The following MPP4 variants were observed in gnomAD, a reference collection of about 807,000 sequenced individuals.
The protein encoded by MPP4 is MAGUK p55 scaffold protein 4, also known as MAGUK p55 subfamily member 4.
In MPP4, 91 loss-of-function variants were observed where a neutral mutation model predicts 98.3. The observed-to-expected ratio is 0.93, with a 90% confidence interval of 0.78 to 1.10. The LOEUF is 1.10. MPP4 is among the 50% of genes least tolerant of loss of function. The pLI is 0.00. For synonymous variants in MPP4, 261 were observed against 271.8 expected, an observed-to-expected ratio of 0.96 and a Z score of 0.39; for missense variants, 744 against 792.9, an observed-to-expected ratio of 0.94 and a Z score of 0.74.
chr2:201,678,624 A>T (rs1688581767), intron 10 of MPP4, among the ~76,000 whole-genome samples: 1 of 152,000 alleles, frequency 6.6e-6, no homozygotes, highest in Non-Finnish European at 1.5e-5. Flanking sequence ...ATTTCAAGCT[A>T]CCATCCTGTC....
At chr2:201,646,048 T>C (rs1441624540) in intron 21 of MPP4, among the ~76,000 whole-genome samples, 1 of 152,206 alleles carries the variant, frequency 6.6e-6, no homozygotes, top group Admixed American at 6.5e-5. Flanking sequence ...TCTTCTAAAC[T>C]ACAAAACTTA....
At chr2:201,680,735 T>A (rs1373616555) in intron 10 of MPP4, 103 bp downstream of exon 10, 19 of 1,025,006 alleles carry the variant, frequency 1.9e-5, no homozygotes, top group Admixed American at 2.4e-5. Flanking sequence ...TTCATTCATC[T>A]GCTTGTCCCT....
chr2:201,657,592 T>G (rs1229967463), intron 16 of MPP4, among the ~76,000 whole-genome samples: 1 of 115,528 alleles, frequency 8.7e-6, no homozygotes, highest in Admixed American at 8.7e-5. Context: ...TGGCCCTTGT[T>G]TTTTTTTTGT....
intron 18 of MPP4, chr2:201,650,832 G>A: frequency 2.0e-6 from 2 of 985,388 alleles, no homozygotes; most frequent in Non-Finnish European, 2.4e-6. Flanking sequence ...GGAAAGATTA[G>A]CTGAGTCTAG....
chr2:201,694,608 C>CCTT (rs1689127689), intron 1 of MPP4, among the ~76,000 whole-genome samples: 1 of 78,870 alleles, frequency 1.3e-5, no homozygotes, highest in South Asian at 5.6e-4. Context: ...TTCTTTTTCC[C>CCTT]TTTTTTTTTT....
At position 201,645,378 on chromosome 2, in the gene MPP4, AT is replaced by A. The variant is rs1255773211; in HGVS notation, c.1745del (p.Asn582IlefsTer2). 2 of 1,613,870 alleles carry A rather than the reference AT, an allele frequency of 1.2e-6. No homozygotes were observed. The highest frequency in any genetic ancestry group is 2.7e-5 in the African/African-American group (2 of 74,914). On this transcript the variant is annotated frameshift_variant, in exon 22 of 22. Coordinates refer to ENST00000409474, the MANE Select transcript of MPP4 (RefSeq NM_033066.3). LOFTEE classifies it high-confidence loss of function. The part of the protein sequence containing the change: ...FKDEDLQEME[N>X]LAQRMETQFG... ...ACTGAGTTTCCATTCTTTGGGCTAA[AT>A]TTTCCATCTCTTGTAGGTCTTCATC...
chr2:201,697,328 T>C (rs926585740), intron 1 of MPP4, among the ~76,000 whole-genome samples: 1 of 152,178 alleles, frequency 6.6e-6, no homozygotes, highest in African/African-American at 2.4e-5. Flanking sequence ...AGAAAATGAT[T>C]TTCCCTCCCT....
chr2:201,647,690 C>T lies in MPP4; in HGVS notation c.1719+1G>A, dbSNP rs751165880. 8 of 1,612,944 alleles carry T rather than the reference C, an allele frequency of 5.0e-6. No individual in the cohort carries two copies. The highest frequency in any genetic ancestry group is 6.8e-6 in the Non-Finnish European group (8 of 1,179,240). ...TACAGTAGTTTTTGACTTGCTCTTA[C>T]CTTGAACTTCATGTCCACATAGTAG... On this transcript the variant is annotated splice_donor_variant, in intron 21 of 21. Transcript: ENST00000409474. LOFTEE classifies it high-confidence loss of function.
intron 11 of MPP4, among the ~76,000 whole-genome samples, chr2:201,670,877 C>G (rs1046747161): frequency 1.3e-5 from 2 of 152,302 alleles, no homozygotes; most frequent in Admixed American, 1.3e-4. Flanking sequence ...CTCACTGGGA[C>G]TGGCTAGATA....
chr2:201,685,170 C>A (rs1431343004), intron 6 of MPP4, 25 bp from the exon 7 acceptor site: 8 of 1,586,332 alleles, frequency 5.0e-6, no homozygotes, highest in South Asian at 1.1e-5. Context: ...GACGAGATCC[C>A]TCTGTTACCT....
chr2:201,687,284 C>A lies in MPP4; in HGVS notation c.360+7G>T. 6.4e-7 allele frequency: 1 copy of A among 1,567,930 alleles called. No homozygotes were observed. On this transcript the variant is annotated splice_region_variant and intron_variant, in intron 5 of 21. Coordinates refer to ENST00000409474, the MANE Select transcript of MPP4 (RefSeq NM_033066.3). ...GGGACATCTTTTCTATTTTAGCAGGCACTTGCCTTGAAGTGTGGAGCCTGG... is the reference window on the plus strand; with the variant it reads ...GGGACATCTTTTCTATTTTAGCAGGAACTTGCCTTGAAGTGTGGAGCCTGG...
intron 15 of MPP4, among the ~76,000 whole-genome samples, chr2:201,659,213 T>G (rs550463734): frequency 0.088 from 525 of 5,988 alleles, 7 homozygotes; most frequent in African/African-American, 0.1. Context: ...ACTGTGTTTA[T>G]AATTTTTTTT....
chr2:201,684,778 G>A (rs146814202), intron 7 of MPP4, among the ~76,000 whole-genome samples: 1,738 of 151,626 alleles, frequency 0.011, 26 homozygotes, highest in African/African-American at 0.034. Flanking sequence ...GTGAAACCCC[G>A]TCTCTACTAA....
At chr2:201,649,768 G>A (rs1487021979) in intron 19 of MPP4, 84 bp from the exon 20 acceptor site, 7 of 889,432 alleles carry the variant, frequency 7.9e-6, no homozygotes. Context: ...CTGCACTAGA[G>A]TTGAATATAA....
chr2:201,675,674 T>C (rs1559012811), intron 10 of MPP4, among the ~76,000 whole-genome samples: 2 of 152,208 alleles, frequency 1.3e-5, no homozygotes, highest in African/African-American at 4.8e-5. Context: ...CTACAGTTTC[T>C]ATAGATGACT....
intron 14 of MPP4, among the ~76,000 whole-genome samples, 188 bp from the exon 15 acceptor site, chr2:201,660,534 C>T (rs1394353364): frequency 6.6e-6 from 1 of 152,138 alleles, no homozygotes; most frequent in African/African-American, 2.4e-5. Flanking sequence ...ACTGGTTTGC[C>T]CTGACTCTGC....
At chr2:201,673,066 T>C (rs1688389738) in intron 11 of MPP4, among the ~76,000 whole-genome samples, 2 of 152,102 alleles carry the variant, frequency 1.3e-5, no homozygotes, top group Non-Finnish European at 1.5e-5. Flanking sequence ...GTTCAACATA[T>C]GCAAATCAAT....
In MPP4 at chr2:201,681,534, C is replaced by T; in HGVS notation, c.694G>A (p.Val232Ile). 1.2e-6 allele frequency: 2 copies of T among 1,613,746 alleles called. No individual in the cohort carries two copies. Among genetic ancestry groups the T allele is most frequent in the South Asian group, 1.1e-5 (1 of 91,044 alleles). ...TTCACAGGAGGGTCAGAGACTGGAA[C>T]CACCTTGAACATGATTGTGCCTCGA... Reference protein sequence around the residue: ...MSRGTIMFKVVPVSDPPVNSQ... With the variant: ...MSRGTIMFKVIPVSDPPVNSQ... Residue 232 changes from valine to isoleucine, a missense_variant, in exon 9 of 22, where the codon GTT becomes ATT. Val to Ile is a conservative substitution (Grantham distance 29). Coordinates refer to ENST00000409474, the MANE Select transcript of MPP4 (RefSeq NM_033066.3).
Position 201,650,095 on chromosome 2 carries a change from A to G in MPP4, c.1452T>C (p.Phe484=). The change falls in exon 19 of 22, where the codon TTT becomes TTC. Residue 484 remains phenylalanine (F), a synonymous_variant. Transcript: ENST00000409474. ...ACCTGTGACTATATATGAGGTTTTC[A>G]AATGTTTCCTTGGACACATAGTGAT... ...REYHYVSKET[F]ENLIYSHRML... 6.3e-7 allele frequency: 1 copy of G among 1,577,776 alleles called. No individual in the cohort carries two copies. The highest frequency in any genetic ancestry group is 8.6e-7 in the Non-Finnish European group (1 of 1,159,564).
Sources: allele counts gnomAD v4.1 joint callset (sites outside exome capture counted in the v4.1 genomes callset), GRCh38; gene constraint gnomAD v4.1.1; transcripts MANE v1.5; gene names NCBI Gene and HGNC (gene_info 2026-07-23, HGNC 2026-07-21).